The following LINGO1 variants were observed in gnomAD, a reference collection of about 807,000 sequenced individuals.
The protein encoded by LINGO1 is leucine rich repeat and Ig domain containing 1, also known as leucine-rich repeat and immunoglobulin-like domain-containing nogo receptor-interacting protein 1.
A neutral mutation model predicts 37.3 loss-of-function variants in LINGO1; 11 were observed. That is an observed-to-expected ratio of 0.29 (90% confidence interval 0.19 to 0.49). The LOEUF is 0.49. Ranked by LOEUF, LINGO1 falls within the 20% of genes least tolerant of loss-of-function variation. The pLI is 0.99. For synonymous variants in LINGO1, 387 were observed against 403.0 expected, an observed-to-expected ratio of 0.96 and a Z score of 0.48; for missense variants, 585 against 878.2, an observed-to-expected ratio of 0.67 and a Z score of 4.22.
chr15:77,715,185 T>C (rs2075968892), intron 2 of LINGO1, among the ~76,000 whole-genome samples: 1 of 152,116 alleles, frequency 6.6e-6, no homozygotes, highest in African/African-American at 2.4e-5. Flanking sequence ...GTACCCCATA[T>C]GGGGTACTCT....
chr15:77,759,722 G>C (rs1345858728), intron 1 of LINGO1, among the ~76,000 whole-genome samples: 1 of 152,246 alleles, frequency 6.6e-6, no homozygotes, highest in Non-Finnish European at 1.5e-5. Context: ...TGGGGAGAAA[G>C]GTGCCAGTTT....
In LINGO1 at chr15:77,761,471, A is replaced by G. The variant is rs529220633; in HGVS notation, c.-257+25398T>C. Among the ~76,000 whole-genome samples the G allele has an allele frequency of 1.1e-4, 17 of 152,362 alleles. No homozygotes were observed. The South Asian group carries it at 2.3e-3, about 20-fold the overall frequency. ...ATTCTTTATTTTCATATTTGGGGACATAACAACCAGTTTAAAGGGCTGAGT... is the reference window on the plus strand; with the variant it reads ...ATTCTTTATTTTCATATTTGGGGACGTAACAACCAGTTTAAAGGGCTGAGT... On this transcript the variant is annotated intron_variant, in intron 1 of 3. Coordinates refer to the LINGO1 transcript ENST00000561686.
At chr15:77,639,416 G>A (rs1215574436) in intron 3 of LINGO1, among the ~76,000 whole-genome samples, 1 of 151,990 alleles carries the variant, frequency 6.6e-6, no homozygotes, top group Non-Finnish European at 1.5e-5. Context: ...CTCTCAAGGG[G>A]GGCAAGGAAT....
intron 1 of LINGO1, among the ~76,000 whole-genome samples, chr15:77,747,093 C>A (rs907693385): frequency 6.6e-6 from 1 of 152,206 alleles, no homozygotes; most frequent in African/African-American, 2.4e-5. Context: ...ACCCTCCCTG[C>A]CTTTAGCTCC....
chr15:77,656,911 G>T (rs2074878505), intron 3 of LINGO1, among the ~76,000 whole-genome samples: 2 of 152,154 alleles, frequency 1.3e-5, no homozygotes, highest in East Asian at 3.9e-4. Flanking sequence ...TACTGCACAG[G>T]TGCCCAGCAG....
chr15:77,688,408 T>C (rs2075547747), intron 2 of LINGO1, among the ~76,000 whole-genome samples: 1 of 152,214 alleles, frequency 6.6e-6, no homozygotes, highest in Non-Finnish European at 1.5e-5. Flanking sequence ...TACCAGAGGA[T>C]TGGGTTTCCC....
intron 3 of LINGO1, among the ~76,000 whole-genome samples, chr15:77,662,215 T>G (rs1166075952): frequency 6.6e-6 from 1 of 151,994 alleles, no homozygotes; most frequent in Non-Finnish European, 1.5e-5. Context: ...TCAGGTAGGG[T>G]TAGCAGAGGG....
At chr15:77,701,828 C>T (rs974959534) in intron 2 of LINGO1, among the ~76,000 whole-genome samples, 20 of 152,268 alleles carry the variant, frequency 1.3e-4, no homozygotes, top group African/African-American at 2.6e-4. Flanking sequence ...CATGCTTGTA[C>T]GGCCTGCAGA....
Position 77,762,061 on chromosome 15 carries a change from C to T in LINGO1, c.-257+24808G>A, listed in dbSNP as rs549589502. On this transcript the variant is annotated intron_variant, in intron 1 of 3. Transcript: ENST00000561686. ...GAGGCCTAGAGTTTGATGATTCGGC[C>T]CTTAATTCACCCTGGCAGGTTTGGC... Among the ~76,000 whole-genome samples the T allele has an allele frequency of 1.8e-4, 28 of 152,324 alleles. 1 individual carries two copies. In the South Asian group the frequency reaches 5.2e-3, roughly 28 times the overall value.
rs141214358 is a variant in LINGO1 at position 77,641,015 on chromosome 15, CA to C, written c.-12-25116del. Among the ~76,000 whole-genome samples the C allele has an allele frequency of 5.7e-3, 861 of 152,328 alleles. 13 individuals carry two copies. Among genetic ancestry groups the C allele is most frequent in the African/African-American group, 0.02 (813 of 41,564 alleles). ...GGCAGGTCAGACATCCAGAAGGAAG[CA>C]ATGGCTGAGCTGAAATCAAAGGATG... On this transcript the variant is annotated intron_variant, in intron 3 of 3. Transcript: ENST00000559893.
upstream of LINGO1, among the ~76,000 whole-genome samples, chr15:77,697,562 T>A (rs2075712691): frequency 7.8e-6 from 1 of 127,814 alleles, no homozygotes; most frequent in Non-Finnish European, 1.8e-5. Context: ...GAGCTGCCAG[T>A]TCACTCATTC....
At chr15:77,770,164 C>T (rs1308911101) in intron 1 of LINGO1, among the ~76,000 whole-genome samples, 1 of 152,146 alleles carries the variant, frequency 6.6e-6, no homozygotes. Flanking sequence ...GAGCAGCAGG[C>T]TCCGAAACCA....
chr15:77,644,235 G>A (rs1054647549), intron 3 of LINGO1, among the ~76,000 whole-genome samples: 7 of 152,152 alleles, frequency 4.6e-5, no homozygotes, highest in Admixed American at 6.5e-5. Flanking sequence ...TAGGTGTCCC[G>A]AGCAGAACTT....
At chr15:77,624,213 G>A (rs1595999361) in intron 1 of LINGO1, among the ~76,000 whole-genome samples, 1 of 150,908 alleles carries the variant, frequency 6.6e-6, no homozygotes, top group African/African-American at 2.4e-5. Context: ...CTCTGTGTGT[G>A]TGTGTGTATG....
At chr15:77,677,764 A>AC (rs928297939) in intron 2 of LINGO1, among the ~76,000 whole-genome samples, 1 of 150,082 alleles carries the variant, frequency 6.7e-6, no homozygotes, top group Non-Finnish European at 1.5e-5. Context: ...TCTTCACTAC[A>AC]CCCCCATCAC....
intron 1 of LINGO1, among the ~76,000 whole-genome samples, chr15:77,786,629 G>A (rs1265049569): frequency 6.6e-6 from 1 of 152,160 alleles, no homozygotes; most frequent in African/African-American, 2.4e-5. Flanking sequence ...AAACACTCCC[G>A]CCGCCCTCCA....
At chr15:77,666,132 G>GTGAA (rs1466374422) in intron 3 of LINGO1, among the ~76,000 whole-genome samples, 21 of 151,846 alleles carry the variant, frequency 1.4e-4, no homozygotes, top group African/African-American at 4.6e-4. Context: ...GAATGAATGA[G>GTGAA]TGAATGAATG....
intron 1 of LINGO1, among the ~76,000 whole-genome samples, chr15:77,618,195 G>A (rs1316331002): frequency 6.6e-6 from 1 of 152,220 alleles, no homozygotes; most frequent in Non-Finnish European, 1.5e-5. Flanking sequence ...AGAGAAGGCT[G>A]GGGAATGAGG....
intron 2 of LINGO1, among the ~76,000 whole-genome samples, chr15:77,707,750 G>A (rs927850684): frequency 4.6e-5 from 7 of 152,188 alleles, no homozygotes; most frequent in Non-Finnish European, 8.8e-5. Context: ...CTCAGGAAGA[G>A]GCTGGGCAGC....
Sources: gnomAD v4.1 joint callset for allele counts (sites outside exome capture counted in the v4.1 genomes callset) on GRCh38, gnomAD v4.1.1 for gene constraint, MANE v1.5 for transcripts, NCBI Gene and HGNC (gene_info 2026-07-23, HGNC 2026-07-21) for gene names.